ZBTB20: variants seen among roughly 807,000 people sequenced by gnomAD.
The protein encoded by ZBTB20 is zinc finger and BTB domain containing 20.
ZBTB20 carries 9 observed loss-of-function variants against 56.9 expected under a neutral mutation model. That is an observed-to-expected ratio of 0.16 (90% CI 0.10 to 0.28). The LOEUF (loss-of-function observed/expected upper bound fraction) is 0.28, where lower values mean the gene tolerates loss of function less well. Ranked by LOEUF, ZBTB20 falls within the 10% of genes least tolerant of loss-of-function variation. The probability of loss-of-function intolerance (pLI) is 1.00; values close to 1 mark genes in which losing one functional copy is unlikely to be tolerated. For missense variants in ZBTB20, 655 were observed against 1,003.0 expected, an observed-to-expected ratio of 0.65 and a Z score of 4.69; for synonymous variants, 417 against 420.7, an observed-to-expected ratio of 0.99 and a Z score of 0.11.
chr3:114,764,820 G>A (rs944760246), intron 5 of ZBTB20, among the ~76,000 whole-genome samples: 7 of 152,086 alleles, frequency 4.6e-5, no homozygotes, highest in African/African-American at 1.7e-4. Flanking sequence ...AGTTAACATA[G>A]TCAAAAACCC....
At chr3:114,984,039 G>T (rs1252861625) in intron 2 of ZBTB20, among the ~76,000 whole-genome samples, 1 of 151,782 alleles carries the variant, frequency 6.6e-6, no homozygotes, top group Non-Finnish European at 1.5e-5. Context: ...CTCCCCAAAG[G>T]TGTATTGATA....
intron 1 of ZBTB20, among the ~76,000 whole-genome samples, chr3:115,104,423 C>A (rs2083665838): frequency 6.6e-6 from 1 of 152,140 alleles, no homozygotes; most frequent in East Asian, 1.9e-4. Flanking sequence ...TTCATAATTG[C>A]CAATATTTGG....
chr3:114,390,990 C>T (rs922816534), intron 7 of ZBTB20, among the ~76,000 whole-genome samples: 45 of 104,890 alleles, frequency 4.3e-4, no homozygotes, highest in African/African-American at 2.0e-3. Context: ...TCAATTCTTC[C>T]GTTTTTTTTT....
At chr3:114,780,040 A>G (rs1485199412) in intron 5 of ZBTB20, among the ~76,000 whole-genome samples, 1 of 152,212 alleles carries the variant, frequency 6.6e-6, no homozygotes, top group African/African-American at 2.4e-5. Context: ...AATGAATAAA[A>G]CCAGACTTTA....
intron 2 of ZBTB20, among the ~76,000 whole-genome samples, chr3:114,976,452 C>T (rs890334726): frequency 6.6e-6 from 1 of 151,972 alleles, no homozygotes; most frequent in African/African-American, 2.4e-5. Flanking sequence ...ATGGCGAAAC[C>T]CCATCTCTAC....
intron 8 of ZBTB20, among the ~76,000 whole-genome samples, chr3:114,384,152 TTCTC>T (rs138940884): frequency 9.0e-5 from 13 of 144,964 alleles, no homozygotes; most frequent in African/African-American, 2.1e-4. Context: ...CTCTCTCATT[TTCTC>T]TCTCTCTCTC....
chr3:115,147,009 G>A (rs2085015346), intron 1 of ZBTB20, among the ~76,000 whole-genome samples: 1 of 149,122 alleles, frequency 6.7e-6, no homozygotes, highest in African/African-American at 2.4e-5. Context: ...GGGGCGGGGC[G>A]GGGCGCGGGG....
chr3:114,662,303 A>C (rs1415377156), intron 6 of ZBTB20, among the ~76,000 whole-genome samples: 10 of 150,650 alleles, frequency 6.6e-5, no homozygotes, highest in Admixed American at 4.0e-4. Flanking sequence ...CCAGTCTATC[A>C]TTGTTGGACA....
chr3:115,083,973 G>A lies in ZBTB20; in HGVS notation c.-702-12559C>T, dbSNP rs1373379625. 1.1e-4 allele frequency among the ~76,000 whole-genome samples: 17 copies of A among 151,870 alleles called. 1 individual carries two copies. Among genetic ancestry groups the A allele is most frequent in the Admixed American group, 1.1e-3 (17 of 15,190 alleles). ...AGTATTATTCAACATGCTCATAACT[G>A]AACAAAGTTTAGTGGATATTGTCTG... On this transcript the variant is annotated intron_variant, in intron 1 of 11. Coordinates refer to ENST00000675478, the MANE Select transcript of ZBTB20 (RefSeq NM_001348800.3).
chr3:114,772,881 A>G (rs1560232730), intron 5 of ZBTB20, among the ~76,000 whole-genome samples: 1 of 152,224 alleles, frequency 6.6e-6, no homozygotes, highest in African/African-American at 2.4e-5. Flanking sequence ...TTAACACTAA[A>G]ACAGGGAGAG....
rs780187828 is a variant in ZBTB20, at chr3:114,327,680, GTCAAA to G, written c.*11320_*11324del. 15 of 152,112 alleles carry G rather than the reference GTCAAA, an allele frequency of 9.9e-5. No homozygotes were observed. The highest frequency in any genetic ancestry group is 2.1e-4 in the Non-Finnish European group (14 of 68,030). The allele number at this position is 152,112 out of a possible 1,614,324, so 9.4% of individuals were successfully genotyped here. On this transcript the variant is annotated 3_prime_UTR_variant, in exon 12 of 12. Transcript: ENST00000675478. Reference sequence around the variant, plus strand: ...CTGGTTTGATTAAGATAAAAGCTGGGTCAAATCTCAAGTCAAATAAAAATACATTT... The same window carrying G: ...CTGGTTTGATTAAGATAAAAGCTGGGTCTCAAGTCAAATAAAAATACATTT...
At chr3:114,566,820 A>C (rs141635416) in intron 6 of ZBTB20, among the ~76,000 whole-genome samples, 27 of 152,320 alleles carry the variant, frequency 1.8e-4, no homozygotes, top group African/African-American at 6.0e-4. Context: ...CTGCATTGCC[A>C]AATCTATTTA....
chr3:114,539,409 G>T (rs1293558991), intron 6 of ZBTB20, among the ~76,000 whole-genome samples: 1 of 152,064 alleles, frequency 6.6e-6, no homozygotes, highest in Non-Finnish European at 1.5e-5. Flanking sequence ...CATTTGTATA[G>T]CAGTGTAAAG....
chr3:114,598,771 T>A (rs904462450), intron 6 of ZBTB20, among the ~76,000 whole-genome samples: 2 of 152,096 alleles, frequency 1.3e-5, no homozygotes, highest in Non-Finnish European at 2.9e-5. Flanking sequence ...ATCTTCAAAA[T>A]AATTATGTAA....
chr3:114,880,247 G>C (rs1483691813), intron 4 of ZBTB20, among the ~76,000 whole-genome samples: 1 of 152,170 alleles, frequency 6.6e-6, no homozygotes, highest in Non-Finnish European at 1.5e-5. Context: ...AAGTTAGCAC[G>C]CAGAGTCCGG....
intron 7 of ZBTB20, among the ~76,000 whole-genome samples, chr3:114,421,880 C>T (rs1201069872): frequency 1.3e-5 from 2 of 151,202 alleles, no homozygotes; most frequent in African/African-American, 2.4e-5. Flanking sequence ...CAGTGTCCCT[C>T]ATCTGGTTGA....
chr3:114,623,957 C>T (rs556248940), intron 6 of ZBTB20, among the ~76,000 whole-genome samples: 16 of 152,282 alleles, frequency 1.1e-4, no homozygotes, highest in African/African-American at 3.1e-4. Context: ...AAGTTGTGCC[C>T]GCTAAAAATC....
intron 10 of ZBTB20, among the ~76,000 whole-genome samples, chr3:114,377,780 C>A (rs1029930435): frequency 3.3e-5 from 5 of 152,140 alleles, no homozygotes; most frequent in Non-Finnish European, 7.3e-5. Flanking sequence ...CTTCCATCTA[C>A]CTGGGTGTCA....
At chr3:114,628,775 T>C (rs2058778343) in intron 6 of ZBTB20, among the ~76,000 whole-genome samples, 1 of 152,240 alleles carries the variant, frequency 6.6e-6, no homozygotes. Context: ...CAGGATCTCA[T>C]ATTTCATTTT....
Sources: gnomAD v4.1 joint callset for allele counts (sites outside exome capture counted in the v4.1 genomes callset) on GRCh38, gnomAD v4.1.1 for gene constraint, MANE v1.5 for transcripts, NCBI Gene and HGNC (gene_info 2026-07-23, HGNC 2026-07-21) for gene names.